Variants in MRC2 observed in about 807,000 individuals in gnomAD.
MRC2 encodes C-type mannose receptor 2.
MRC2 carries 84 observed loss-of-function variants against 206.2 expected under a neutral mutation model. The ratio of observed to expected loss-of-function variants is 0.41; its 90% confidence interval spans 0.34 to 0.49. The LOEUF (loss-of-function observed/expected upper bound fraction) is 0.49, where lower values mean the gene tolerates loss of function less well. MRC2 is among the 20% of genes least tolerant of loss of function. MRC2 has a pLI of 0.31. For synonymous variants in MRC2, 798 were observed against 800.0 expected (o/e 1.00, Z 0.04); for missense variants, 1,676 against 2,001.5 (o/e 0.84, Z 3.10).
At chr17:62,631,781 G>A (rs896963911) in intron 1 of MRC2, among the ~76,000 whole-genome samples, 1 of 152,152 alleles carries the variant, frequency 6.6e-6, no homozygotes, top group African/African-American at 2.4e-5. Flanking sequence ...ATAAGTGAGT[G>A]ACTCAAGGTG....
chr17:62,627,935 A>C lies in MRC2; in HGVS notation c.118+15A>C. 7 of 1,412,360 alleles carry C rather than the reference A, an allele frequency of 5.0e-6. No homozygotes were observed. The highest frequency in any genetic ancestry group is 6.4e-6 in the Non-Finnish European group (7 of 1,091,004). The allele number at this position is 1,412,360 out of a possible 1,614,324, so 87.5% of individuals were successfully genotyped here. On this transcript the variant is annotated intron_variant, in intron 1 of 29. Coordinates refer to ENST00000303375, the MANE Select transcript of MRC2 (RefSeq NM_006039.5). Reference sequence around the variant, plus strand: ...CGCCCTCCCGGGTAAGGCGCTGCCAACTTGGCCAACTTCAGGGCCCGGGCG... The same window carrying C: ...CGCCCTCCCGGGTAAGGCGCTGCCACCTTGGCCAACTTCAGGGCCCGGGCG...
rs1249753104 is a variant in MRC2 at position 62,652,408 on chromosome 17, G to A, written c.119-12140G>A. On this transcript the variant is annotated intron_variant, in intron 1 of 29. Transcript: ENST00000303375. This position sits in a 1 kb window ranked among gnomAD's most constrained non-coding sequence, Gnocchi z 4.6. ...CCCGCGAGGGCACAAGTGATCGCGT[G>A]GCCACGGCGAGGCTCTGCCTCCGCC... Among the ~76,000 whole-genome samples, 1 of 152,270 alleles carries A rather than the reference G, an allele frequency of 6.6e-6. No individual in the cohort carries two copies. The highest frequency in any genetic ancestry group is 1.5e-5 in the Non-Finnish European group (1 of 68,054).
In MRC2 at chr17:62,690,945, G is replaced by A. The variant is rs775734285; in HGVS notation, c.4013-4G>A. 4 of 1,594,020 alleles carry A rather than the reference G, an allele frequency of 2.5e-6. No individual in the cohort carries two copies. The highest frequency in any genetic ancestry group is 2.6e-6 in the Non-Finnish European group (3 of 1,171,210). ...CTGCTCCCTCAGTGCCTTCTTTCCT[G>A]CAGGAGGCACTCTGGTCTGGCAGGA... On this transcript the variant is annotated splice_polypyrimidine_tract_variant and splice_region_variant and intron_variant, in intron 27 of 29. Transcript: ENST00000303375.
intron 1 of MRC2, among the ~76,000 whole-genome samples, chr17:62,632,385 C>T (rs2088252626): frequency 6.6e-6 from 1 of 152,186 alleles, no homozygotes; most frequent in African/African-American, 2.4e-5. Context: ...TCTCACAGCG[C>T]AGACCCTTCC....
At position 62,693,284 on chromosome 17, in the gene MRC2, A is replaced by G. The variant is rs10328; in HGVS notation, c.*833A>G. The G allele has an allele frequency of 0.055, 8,321 of 152,512 alleles. 706 individuals are homozygous for G. The highest frequency in any genetic ancestry group is 0.18 in the African/African-American group (7,339 of 41,510). 9.4% of individuals were successfully genotyped at this position (152,512 alleles called of 1,614,324 possible). A position where few individuals can be genotyped will look rare whatever the true frequency, so the allele number is the denominator to read the frequency against. The stretch of plus-strand genomic sequence containing the variant: ...CTGGCTCTGGTTTGGAGCAAGGGGA[A>G]GGGTTGCCAGAGTCCTGGGGGCCCC... On this transcript the variant is annotated 3_prime_UTR_variant, in exon 30 of 30. Coordinates refer to ENST00000303375, the MANE Select transcript of MRC2 (RefSeq NM_006039.5).
chr17:62,681,239 G>T, intron 18 of MRC2, 110 bp downstream of exon 18: 2 of 1,315,936 alleles, frequency 1.5e-6, no homozygotes, highest in Non-Finnish European at 2.1e-6. Flanking sequence ...TGCTGGCTGT[G>T]TGGCCTTGAG....
chr17:62,680,079 C>G lies in MRC2; in HGVS notation c.2299-91C>G, dbSNP rs2088943185. On this transcript the variant is annotated intron_variant, in intron 14 of 29. Transcript: ENST00000303375. This position sits in a 1 kb window ranked among gnomAD's most constrained non-coding sequence, Gnocchi z 4.8. The stretch of plus-strand genomic sequence containing the variant: ...CGGCCCCCGGTGAGAATTCGCAGCT[C>G]AGGCCAGGCCTCTTGTTCACCTGTT... 6.4e-7 allele frequency: 1 copy of G among 1,574,432 alleles called. No homozygotes were observed. Among genetic ancestry groups the G allele is most frequent in the African/African-American group, 1.3e-5 (1 of 74,218 alleles).
At chr17:62,683,960 A>G (rs1051462262) in intron 20 of MRC2, 1 of 152,198 alleles carries the variant, frequency 6.6e-6, no homozygotes, top group Non-Finnish European at 1.5e-5. Flanking sequence ...GAAGATTAGC[A>G]TGGCCCTGCA....
At chr17:62,670,416 C>T (rs1056639835) in intron 6 of MRC2, among the ~76,000 whole-genome samples, 49 of 152,232 alleles carry the variant, frequency 3.2e-4, no homozygotes, top group African/African-American at 9.9e-4. Flanking sequence ...GCTCTCAGTC[C>T]GCCCAGCTTT....
At chr17:62,683,094 A>G (rs1021940190) in intron 20 of MRC2, among the ~76,000 whole-genome samples, 1 of 133,890 alleles carries the variant, frequency 7.5e-6, no homozygotes, top group Non-Finnish European at 1.8e-5. Flanking sequence ...TAATATGACT[A>G]ATATTATATA....
chr17:62,655,533 C>T (rs1216729372), intron 1 of MRC2, among the ~76,000 whole-genome samples: 1 of 151,748 alleles, frequency 6.6e-6, no homozygotes, highest in Non-Finnish European at 1.5e-5. Flanking sequence ...CAGAGCGAGA[C>T]TCCATCTCAA....
At chr17:62,643,242 C>T (rs1036710842) in intron 1 of MRC2, among the ~76,000 whole-genome samples, 4 of 146,880 alleles carry the variant, frequency 2.7e-5, no homozygotes, top group Non-Finnish European at 4.5e-5. Context: ...GCAAGAGAAT[C>T]ACTTGAAACC....
At chr17:62,690,517 CAT>C in intron 26 of MRC2, 123 bp from the exon 27 acceptor site, 1 of 1,439,810 alleles carries the variant, frequency 6.9e-7, no homozygotes, top group Non-Finnish European at 9.4e-7. Context: ...CACACACACA[CAT>C]GAATCCACAG....
intron 6 of MRC2, among the ~76,000 whole-genome samples, chr17:62,669,121 CACACA>C (rs952993211): frequency 4.0e-5 from 6 of 148,916 alleles, no homozygotes; most frequent in Non-Finnish European, 8.9e-5. Context: ...CACACACACA[CACACA>C]ACACTAACTA....
chr17:62,690,081 G>C lies in MRC2; in HGVS notation c.3742+19G>C. On this transcript the variant is annotated intron_variant, in intron 25 of 29. Transcript: ENST00000303375. ...AGCAGTGGTGAGTGCCCACCTGCCA[G>C]GGCGGGGGCATGGGCAAGCTGTCGG... The C allele has an allele frequency of 1.3e-6, 2 of 1,585,134 alleles. No homozygotes were observed. Among genetic ancestry groups the C allele is most frequent in the Non-Finnish European group, 1.7e-6 (2 of 1,163,326 alleles).
At chr17:62,660,405 A>C (rs1472546757) in intron 1 of MRC2, among the ~76,000 whole-genome samples, 1 of 152,228 alleles carries the variant, frequency 6.6e-6, no homozygotes, top group Non-Finnish European at 1.5e-5. Flanking sequence ...TTTGCAGGGT[A>C]GGGTTCTAAG....
intron 1 of MRC2, among the ~76,000 whole-genome samples, chr17:62,655,262 G>A (rs1049768076): frequency 1.3e-5 from 2 of 150,882 alleles, no homozygotes; most frequent in Non-Finnish European, 2.9e-5. Flanking sequence ...CTCCAGGCTG[G>A]GCAACAGAGC....
At chr17:62,661,721 C>A (rs898872155) in intron 1 of MRC2, 2 of 152,094 alleles carry the variant, frequency 1.3e-5, no homozygotes, top group African/African-American at 4.8e-5. Context: ...ATCTTTGGAC[C>A]AGCCAGAGGC....
chr17:62,639,196 C>T (rs1286935781), intron 1 of MRC2, among the ~76,000 whole-genome samples: 4 of 152,040 alleles, frequency 2.6e-5, no homozygotes, highest in Admixed American at 6.6e-5. Flanking sequence ...AGTAGCTGGG[C>T]GTGGTGGCAC....
Sources: gnomAD v4.1 joint callset for allele counts (sites outside exome capture counted in the v4.1 genomes callset) on GRCh38, gnomAD v4.1.1 for gene constraint, Gnocchi (gnomAD v3.1) non-coding constraint, MANE v1.5 for transcripts, NCBI Gene and HGNC (gene_info 2026-07-23, HGNC 2026-07-21) for gene names.